Variants in ACOT11 observed in about 807,000 individuals in gnomAD.
ACOT11 encodes the protein acyl-coenzyme A thioesterase 11.
A neutral mutation model predicts 77.5 loss-of-function variants in ACOT11; 69 were observed. The ratio of observed to expected loss-of-function variants is 0.89; its 90% CI spans 0.73 to 1.09. The LOEUF (loss-of-function observed/expected upper bound fraction) is 1.09. Ranked by LOEUF, ACOT11 falls within the 50% of genes least tolerant of loss-of-function variation. The probability of loss-of-function intolerance (pLI) is 0.00; values close to 1 mark genes in which losing one functional copy is unlikely to be tolerated. For missense variants in ACOT11, 766 were observed against 813.7 expected (o/e 0.94, Z 0.71); for synonymous variants, 279 against 313.0 (o/e 0.89, Z 1.15).
chr1:54,612,406 C>G, downstream of ACOT11: 1 of 1,055,810 alleles, frequency 9.5e-7, no homozygotes, highest in Non-Finnish European at 1.4e-6. Context: ...CTTTAAGACC[C>G]TTCCAGCCAT....
chr1:54,625,938 T>TAA (rs1644269583), intron 15 of ACOT11, among the ~76,000 whole-genome samples: 1 of 78,740 alleles, frequency 1.3e-5, no homozygotes, highest in African/African-American at 3.8e-5. Flanking sequence ...AAACTCTGTC[T>TAA]CAAAAAAAAA....
chr1:54,612,701 G>A (rs759652246), downstream of ACOT11: 5 of 1,613,254 alleles, frequency 3.1e-6, no homozygotes, highest in Admixed American at 3.3e-5. Context: ...CCTGGACCAG[G>A]GCCAGGAACC....
In ACOT11 at chr1:54,607,150, C is replaced by T. The variant is rs749177399; in HGVS notation, c.1387C>T (p.Gln463Ter). ...DKHYRSVELV[Q>*]QVDEDDAIYH... The stretch of plus-strand genomic sequence containing the variant: ...TCCCCACAGGAGCGTGGAGCTAGTG[C>T]AGCAGGTAGACGAGGACGACGCCAT... Residue 463 changes from glutamine to a stop codon, truncating the protein, a stop_gained, in exon 14 of 16, where the codon CAG (glutamine) becomes TAG (stop). Coordinates refer to ENST00000343744, the MANE Select transcript of ACOT11 (RefSeq NM_147161.4). LOFTEE classifies it high-confidence loss of function. The surrounding 1 kb of genome is among the most constrained non-coding windows in gnomAD (Gnocchi z 4.5). 5 of 1,614,128 alleles carry T rather than the reference C, an allele frequency of 3.1e-6. No individual in the cohort carries two copies. The highest frequency in any genetic ancestry group is 3.3e-4 in the Middle Eastern group (2 of 6,062).
In ACOT11 at chr1:54,617,709, A is replaced by AT. The variant is rs56229276; in HGVS notation, c.1629+9676dup. Among the ~76,000 whole-genome samples the AT allele has an allele frequency of 9.8e-3, 545 of 55,754 alleles. 96 individuals are homozygous for AT. Among genetic ancestry groups the AT allele is most frequent in the Non-Finnish European group, 9.8e-3 (323 of 32,898 alleles). The allele number at this position is 55,754 out of a possible 152,430, so 36.6% of individuals were successfully genotyped here. Reference sequence around the variant, plus strand: ...CACTAGGTCTGCAGCAGGGCCTGAGATTTTTTTTTTTTTTTTTTTTTTTTT... The same window carrying AT: ...CACTAGGTCTGCAGCAGGGCCTGAGATTTTTTTTTTTTTTTTTTTTTTTTTT... On this transcript the variant is annotated intron_variant, in intron 15 of 16. Coordinates refer to the ACOT11 transcript ENST00000371316.
At chr1:54,567,357 C>T (rs1043245550) in intron 1 of ACOT11, among the ~76,000 whole-genome samples, 2 of 151,356 alleles carry the variant, frequency 1.3e-5, no homozygotes, top group Non-Finnish European at 2.9e-5. Flanking sequence ...AGGCTCACTG[C>T]AACCTCTGCC....
chr1:54,608,359 T>TCTC (rs960441219), intron 15 of ACOT11, among the ~76,000 whole-genome samples: 17 of 152,156 alleles, frequency 1.1e-4, no homozygotes, highest in Admixed American at 9.2e-4. Context: ...GGATAGCCCT[T>TCTC]CTCATCTAGG....
chr1:54,629,380 G>A lies in ACOT11; in HGVS notation c.1630-1354G>A, dbSNP rs1048473487. On this transcript the variant is annotated intron_variant, in intron 15 of 16. Coordinates refer to the ACOT11 transcript ENST00000371316. ...CGGCTCACTGCAACCTCTGCCTCCC[G>A]GGTTCAAGTGATTCTCCTGCCTCGG... Among the ~76,000 whole-genome samples the A allele has an allele frequency of 2.4e-4, 32 of 131,276 alleles. 4 individuals carry two copies. The highest frequency in any genetic ancestry group is 5.9e-4 in the African/African-American group (23 of 38,974). The allele number at this position is 131,276 out of a possible 152,430, so 86.1% of individuals were successfully genotyped here. A position where few individuals can be genotyped will look rare whatever the true frequency, so the allele number is the denominator to read the frequency against.
chr1:54,597,317 T>G lies in ACOT11; in HGVS notation c.666T>G (p.Ser222Arg). 1 of 1,613,538 alleles carries G rather than the reference T, an allele frequency of 6.2e-7. No homozygotes were observed. Among genetic ancestry groups the G allele is most frequent in the South Asian group, 1.1e-5 (1 of 91,046 alleles). Reference protein sequence around the residue: ...MVPAEKTRVESVELVLPPHAN... With the variant: ...MVPAEKTRVERVELVLPPHAN... ...CGGCTGAGAAGACCCGTGTGGAGAG[T>G]GTGGAGCTGGTCCTGCCTCCCCACG... The change falls in exon 7 of 16, where the codon AGT becomes AGG. Residue 222 changes from serine (S) to arginine (R), a missense_variant. Coordinates refer to ENST00000343744, the MANE Select transcript of ACOT11 (RefSeq NM_147161.4).
intron 1 of ACOT11, among the ~76,000 whole-genome samples, chr1:54,549,826 C>T (rs1297687816): frequency 6.6e-6 from 1 of 152,226 alleles, no homozygotes; most frequent in Non-Finnish European, 1.5e-5. Context: ...CACCTGAGTG[C>T]AGGGCAGAGT....
chr1:54,601,050 C>G (rs1195157521), intron 8 of ACOT11, among the ~76,000 whole-genome samples: 1 of 152,034 alleles, frequency 6.6e-6, no homozygotes, highest in African/African-American at 2.4e-5. Flanking sequence ...ATCCACGTTG[C>G]TGGAAGAACT....
chr1:54,551,130 C>CAAAA (rs11367325), intron 1 of ACOT11, among the ~76,000 whole-genome samples: 2 of 90,940 alleles, frequency 2.2e-5, no homozygotes, highest in Non-Finnish European at 2.1e-5. Context: ...ACAGTGGTCT[C>CAAAA]AAAAAAAAAA....
rs1247374835 is a variant in ACOT11 at position 54,609,963 on chromosome 1, A to G, written c.*851A>G. On this transcript the variant is annotated 3_prime_UTR_variant, in exon 16 of 16. Coordinates refer to ENST00000343744, the MANE Select transcript of ACOT11 (RefSeq NM_147161.4). ...GTGTCTGGAAGAGGCGGCAGAGGCA[A>G]CAGTGTTTAGGATTTGGGTTATCAT... The G allele has an allele frequency of 7.5e-6, 12 of 1,591,950 alleles. No individual in the cohort carries two copies. The highest frequency in any genetic ancestry group is 9.4e-6 in the Non-Finnish European group (11 of 1,174,260).
At chr1:54,571,072 T>TC (rs574505216) in intron 1 of ACOT11, among the ~76,000 whole-genome samples, 39 of 96,446 alleles carry the variant, frequency 4.0e-4, no homozygotes, top group South Asian at 2.0e-3. Flanking sequence ...TCTCTCTCTC[T>TC]TTTTTTTTTT....
chr1:54,608,197 T>TG lies in ACOT11; in HGVS notation c.1629+134dup, dbSNP rs924987935. The TG allele has an allele frequency of 1.2e-5, 10 of 821,768 alleles. No homozygotes were observed. The Admixed American group carries it at 2.4e-4, about 19-fold the overall frequency. The allele number at this position is 821,768 out of a possible 1,614,324, so 50.9% of individuals were successfully genotyped here. On this transcript the variant is annotated intron_variant, in intron 15 of 15. Transcript: ENST00000343744. ...CCCCAGCAGGCTCCCCCTTCCAGCC[T>TG]GGGGGAGCCTGAGAGTGTCAGGGGC... is the stretch of plus-strand genomic sequence containing the variant.
chr1:54,601,114 TAC>T (rs913878904), intron 8 of ACOT11, among the ~76,000 whole-genome samples, 153 bp from the exon 9 acceptor site: 9 of 150,786 alleles, frequency 6.0e-5, no homozygotes, highest in Admixed American at 3.3e-4. Context: ...TGTGTGTGCA[TAC>T]ATGTGTGTGT....
At chr1:54,572,955 C>T (rs1168204573) in intron 1 of ACOT11, 3 of 985,330 alleles carry the variant, frequency 3.0e-6, no homozygotes, top group East Asian at 2.3e-4. Context: ...GTTTTCAGCT[C>T]CCTGAGAGTT....
downstream of ACOT11, chr1:54,612,502 G>A (rs775991876): frequency 6.2e-7 from 1 of 1,613,812 alleles, no homozygotes; most frequent in East Asian, 2.2e-5. Flanking sequence ...GATTGGCTCA[G>A]CAGCCAGCTG....
chr1:54,564,032 C>T (rs1653646574), intron 1 of ACOT11, among the ~76,000 whole-genome samples: 1 of 150,942 alleles, frequency 6.6e-6, no homozygotes, highest in Non-Finnish European at 1.5e-5. Context: ...TGCCACTGCA[C>T]TCCAGCCTGG....
At chr1:54,589,091 A>G (rs1414663512) in intron 3 of ACOT11, among the ~76,000 whole-genome samples, 1 of 152,094 alleles carries the variant, frequency 6.6e-6, no homozygotes, top group Non-Finnish European at 1.5e-5. Context: ...ATTTTGGCTC[A>G]CTGCAACCTC....
Sources: allele counts gnomAD v4.1 joint callset (sites outside exome capture counted in the v4.1 genomes callset), GRCh38; gene constraint gnomAD v4.1.1; non-coding constraint Gnocchi (gnomAD v3.1); transcripts MANE v1.5; gene names NCBI Gene and HGNC (gene_info 2026-07-23, HGNC 2026-07-21).